The following TAOK3 variants were observed in gnomAD, a reference collection of about 807,000 sequenced individuals.
The protein encoded by TAOK3 is serine/threonine-protein kinase TAO3.
In TAOK3, 40 loss-of-function variants were observed where a neutral mutation model predicts 120.4. The ratio of observed to expected loss-of-function variants is 0.33; its 90% CI spans 0.26 to 0.43. The LOEUF is 0.43. Ranked by LOEUF, TAOK3 falls within the 20% of genes least tolerant of loss-of-function variation. The pLI, the probability that TAOK3 is intolerant of heterozygous loss-of-function variation, is 1.00. For missense variants in TAOK3, 821 were observed against 1,112.1 expected (o/e 0.74, Z 3.72); for synonymous variants, 355 against 387.5 (o/e 0.92, Z 0.99).
intron 1 of TAOK3, among the ~76,000 whole-genome samples, chr12:118,278,899 C>T (rs1015199156): frequency 2.0e-5 from 3 of 152,024 alleles, no homozygotes; most frequent in Non-Finnish European, 2.9e-5. Context: ...CTCCGCCTCC[C>T]GGGTTCAAGC....
chr12:118,230,747 G>A (rs1447085439), intron 9 of TAOK3, among the ~76,000 whole-genome samples: 1 of 152,080 alleles, frequency 6.6e-6, no homozygotes, highest in Non-Finnish European at 1.5e-5. Flanking sequence ...GAGATTATAG[G>A]CGTGAGCCAC....
intron 1 of TAOK3, among the ~76,000 whole-genome samples, chr12:118,318,304 C>T (rs761959552): frequency 1.3e-5 from 2 of 151,848 alleles, no homozygotes; most frequent in African/African-American, 2.4e-5. Flanking sequence ...ACTACAGGAA[C>T]GCACCACCAC....
At chr12:118,305,841 T>C (rs543674644) in intron 1 of TAOK3, among the ~76,000 whole-genome samples, 41 of 151,150 alleles carry the variant, frequency 2.7e-4, no homozygotes, top group African/African-American at 9.5e-4. Flanking sequence ...GAGGCAGAGT[T>C]TGCATGAGCT....
intron 1 of TAOK3, among the ~76,000 whole-genome samples, chr12:118,342,532 CTA>C (rs2044658439): frequency 6.6e-6 from 1 of 152,122 alleles, no homozygotes; most frequent in African/African-American, 2.4e-5. Flanking sequence ...AGACTTTTTA[CTA>C]TGCCATGACA....
intron 1 of TAOK3, among the ~76,000 whole-genome samples, chr12:118,326,288 G>GCCA (rs1223034643): frequency 6.6e-6 from 1 of 151,922 alleles, no homozygotes; most frequent in Non-Finnish European, 1.5e-5. Context: ...GTATTTTCTT[G>GCCA]CCACCTTTGT....
At chr12:118,242,126 A>G (rs1290274151) in intron 5 of TAOK3, among the ~76,000 whole-genome samples, 1 of 151,890 alleles carries the variant, frequency 6.6e-6, no homozygotes, top group East Asian at 1.9e-4. Context: ...TTCAAGTAAC[A>G]GTGTGAAGGA....
At chr12:118,369,282 A>C (rs568961666) in intron 1 of TAOK3, among the ~76,000 whole-genome samples, 33 of 152,326 alleles carry the variant, frequency 2.2e-4, no homozygotes, top group Admixed American at 9.8e-4. Context: ...TTTTTGAAAC[A>C]AATGAAAAAA....
At chr12:118,343,426 C>CA (rs368283127) in intron 1 of TAOK3, among the ~76,000 whole-genome samples, 3,319 of 78,404 alleles carry the variant, frequency 0.042, 71 homozygotes, top group African/African-American at 0.081. Flanking sequence ...GTCCCTGTCT[C>CA]AAAAAAAAAA....
intron 1 of TAOK3, among the ~76,000 whole-genome samples, chr12:118,336,198 T>G (rs2044359858): frequency 6.6e-6 from 1 of 152,220 alleles, no homozygotes; most frequent in South Asian, 2.1e-4. Flanking sequence ...TCTTCCTATG[T>G]AGCTACAGTA....
chr12:118,350,921 G>A (rs1345199725), intron 1 of TAOK3, among the ~76,000 whole-genome samples: 1 of 151,694 alleles, frequency 6.6e-6, no homozygotes, highest in East Asian at 1.9e-4. Flanking sequence ...GTTCATGCCT[G>A]TAATCCCAGC....
intron 1 of TAOK3, among the ~76,000 whole-genome samples, chr12:118,322,701 T>C (rs2043765672): frequency 6.7e-6 from 1 of 149,866 alleles, no homozygotes; most frequent in South Asian, 2.1e-4. Flanking sequence ...CCCCCAAACA[T>C]TAAAAAATTT....
intron 1 of TAOK3, among the ~76,000 whole-genome samples, chr12:118,280,741 T>C (rs2042071011): frequency 6.6e-6 from 1 of 152,224 alleles, no homozygotes; most frequent in Non-Finnish European, 1.5e-5. Context: ...AAGAATGTCA[T>C]TGGTAGTTTG....
Position 118,318,452 on chromosome 12 carries a change from G to A in TAOK3, c.-193-51693C>T, listed in dbSNP as rs137957797. Among the ~76,000 whole-genome samples, 547 of 152,172 alleles carry A rather than the reference G, an allele frequency of 3.6e-3. 1 individual carries two copies. The highest frequency in any genetic ancestry group is 0.012 in the African/African-American group (506 of 41,498). On this transcript the variant is annotated intron_variant, in intron 1 of 20. Transcript: ENST00000392533. ...ATTACAGGTGTGAGCCGCTGCGCCTGGCCACAACTCTTAAATATAGGGACA... is the reference window on the plus strand; with the variant it reads ...ATTACAGGTGTGAGCCGCTGCGCCTAGCCACAACTCTTAAATATAGGGACA...
At chr12:118,273,790 T>G (rs528408484) in intron 1 of TAOK3, among the ~76,000 whole-genome samples, 54 of 152,378 alleles carry the variant, frequency 3.5e-4, no homozygotes, top group Admixed American at 7.2e-4. Context: ...CACTCCAGCC[T>G]GGGCGACAGA....
chr12:118,245,035 G>A (rs2040429176), intron 3 of TAOK3, 70 bp from the exon 4 acceptor site: 5 of 979,534 alleles, frequency 5.1e-6, no homozygotes, highest in East Asian at 2.6e-5. Context: ...TTAAATATTT[G>A]ACTAGAGACT....
At chr12:118,257,157 G>A (rs1413627025) in intron 2 of TAOK3, among the ~76,000 whole-genome samples, 3 of 152,170 alleles carry the variant, frequency 2.0e-5, no homozygotes, top group East Asian at 1.9e-4. Context: ...TGTCAGGACC[G>A]CAATTAAAAC....
chr12:118,209,717 CTT>C (rs34444685), intron 11 of TAOK3, among the ~76,000 whole-genome samples: 5 of 142,594 alleles, frequency 3.5e-5, no homozygotes, highest in African/African-American at 2.6e-5. Context: ...TCTTCTTCTT[CTT>C]TTTTTTTTTT....
At chr12:118,172,996 C>A (rs1266465564) in intron 16 of TAOK3, among the ~76,000 whole-genome samples, 1 of 152,166 alleles carries the variant, frequency 6.6e-6, no homozygotes, top group Non-Finnish European at 1.5e-5. Flanking sequence ...TGATAACTGC[C>A]ACCGTGTGTC....
chr12:118,215,330 CAAAAAAA>C (rs759313035), intron 9 of TAOK3, among the ~76,000 whole-genome samples: 5 of 89,642 alleles, frequency 5.6e-5, no homozygotes, highest in Non-Finnish European at 1.1e-4. Context: ...CCCGTCTCTA[CAAAAAAA>C]AAAAAAAAAA....
Sources: allele counts gnomAD v4.1 joint callset (sites outside exome capture counted in the v4.1 genomes callset), GRCh38; gene constraint gnomAD v4.1.1; transcripts MANE v1.5; gene names NCBI Gene and HGNC (gene_info 2026-07-23, HGNC 2026-07-21).